The following PCGF3 variants were observed in gnomAD, a reference collection of about 807,000 sequenced individuals.
The protein encoded by PCGF3 is polycomb group ring finger 3.
In PCGF3, 7 loss-of-function variants were observed where a neutral mutation model predicts 33.1. That is an observed-to-expected ratio of 0.21 (90% CI 0.12 to 0.40). The LOEUF (loss-of-function observed/expected upper bound fraction) is 0.40. Among genes scored for constraint, PCGF3 ranks in the 10% least tolerant of loss-of-function variants. PCGF3 has a pLI of 1.00. For synonymous variants in PCGF3, 153 were observed against 121.3 expected (o/e 1.26, Z -1.72); for missense variants, 211 against 313.3 (o/e 0.67, Z 2.46).
At chr4:733,725 C>G in exon 4 of PCGF3, 2 of 1,611,778 alleles carry the variant, frequency 1.2e-6, no homozygotes. Context: ...ACGCCCACAT[C>G]ACCTGCCGCC....
At position 737,446 on chromosome 4, in the gene PCGF3, C is replaced by T. The variant is rs565611455; in HGVS notation, c.207-20C>T. On this transcript the variant is annotated intron_variant, in intron 5 of 10. Transcript: ENST00000362003. ...GAATTAACATTTCCAGCTAACTCCACCTTTCTGTTCTTTTGCCAGTCATGA... is the reference window on the plus strand; with the variant it reads ...GAATTAACATTTCCAGCTAACTCCATCTTTCTGTTCTTTTGCCAGTCATGA... 20 of 1,568,768 alleles carry T rather than the reference C, an allele frequency of 1.3e-5. No homozygotes were observed. The highest frequency in any genetic ancestry group is 1.5e-5 in the Non-Finnish European group (17 of 1,139,604).
chr4:748,140 C>G (rs1278002602), intron 8 of PCGF3, among the ~76,000 whole-genome samples: 3 of 152,146 alleles, frequency 2.0e-5, no homozygotes, highest in African/African-American at 7.2e-5. Flanking sequence ...GACAGAAAAA[C>G]TACACGGTCA....
chr4:763,756 G>T (rs1470065163), intron 9 of PCGF3, among the ~76,000 whole-genome samples: 1 of 152,222 alleles, frequency 6.6e-6, no homozygotes, highest in Non-Finnish European at 1.5e-5. Flanking sequence ...CCTGCACCCG[G>T]ATGTTGATAG....
At chr4:740,878 C>T (rs372406206) in intron 6 of PCGF3, among the ~76,000 whole-genome samples, 4 of 152,254 alleles carry the variant, frequency 2.6e-5, no homozygotes, top group African/African-American at 4.8e-5. Flanking sequence ...GCCTGCCTGC[C>T]GGTGGCTTTG....
intron 6 of PCGF3, among the ~76,000 whole-genome samples, chr4:740,073 T>C (rs914236571): frequency 6.6e-6 from 1 of 152,286 alleles, no homozygotes; most frequent in African/African-American, 2.4e-5. Context: ...ACTTGCAATT[T>C]GTTTAGTTTT....
chr4:723,753 A>C (rs1420309467), intron 1 of PCGF3: 1 of 152,488 alleles, frequency 6.6e-6, no homozygotes, highest in African/African-American at 2.4e-5. Flanking sequence ...GAAGGACAGC[A>C]CAGGGGCCTC....
chr4:763,470 C>T (rs1237705636), intron 9 of PCGF3, among the ~76,000 whole-genome samples: 1 of 152,204 alleles, frequency 6.6e-6, no homozygotes, highest in Non-Finnish European at 1.5e-5. Context: ...ATGCCTTCCC[C>T]AGGGAGGAAT....
rs1000535562 is a variant in PCGF3 at position 758,500 on chromosome 4, G to A, written c.463-2779G>A. Among the ~76,000 whole-genome samples the A allele has an allele frequency of 2.4e-4, 15 of 62,446 alleles. 1 individual carries two copies. In the South Asian group the frequency reaches 6.7e-3, roughly 28 times the overall value. 41.0% of individuals were successfully genotyped at this position (62,446 alleles called of 152,430 possible). A position where few individuals can be genotyped will look rare whatever the true frequency, so the allele number is the denominator to read the frequency against. On this transcript the variant is annotated intron_variant, in intron 8 of 10. Transcript: ENST00000362003. ...GCGGCCCCTCTCCCGAGCTCTTCTC[G>A]CTCCGGACTCTGGGTCTTTCTCCCC...
intron 8 of PCGF3, among the ~76,000 whole-genome samples, chr4:748,434 C>A (rs1171852184): frequency 6.6e-6 from 1 of 152,168 alleles, no homozygotes; most frequent in Admixed American, 6.5e-5. Context: ...TTCTGGCCCG[C>A]CTCAGCCTCC....
At chr4:757,891 C>T (rs1218891658) in intron 8 of PCGF3, among the ~76,000 whole-genome samples, 1 of 151,958 alleles carries the variant, frequency 6.6e-6, no homozygotes, top group Non-Finnish European at 1.5e-5. Context: ...AAAGTTGGCC[C>T]GGCGCGGTGG....
At chr4:755,459 C>G (rs1744728013) in intron 8 of PCGF3, among the ~76,000 whole-genome samples, 1 of 152,196 alleles carries the variant, frequency 6.6e-6, no homozygotes, top group Non-Finnish European at 1.5e-5. Context: ...TCCTCCCTCG[C>G]CGCCCCACGC....
intron 1 of PCGF3, among the ~76,000 whole-genome samples, chr4:727,661 C>A (rs911221548): frequency 6.6e-6 from 1 of 151,982 alleles, no homozygotes; most frequent in African/African-American, 2.4e-5. Context: ...TATCTTTTTC[C>A]CATAGGCATT....
intron 1 of PCGF3, among the ~76,000 whole-genome samples, chr4:716,798 A>C (rs567751196): frequency 8.2e-5 from 9 of 110,278 alleles, no homozygotes. Flanking sequence ...CGGTGCTGGG[A>C]CCCTGTAGAT....
chr4:734,443 C>A (rs773459594), intron 4 of PCGF3: 29 of 1,277,488 alleles, frequency 2.3e-5, no homozygotes, highest in Admixed American at 3.8e-5. Flanking sequence ...GTGTATTTCT[C>A]ACTTTAGGAA....
chr4:721,804 G>A lies in PCGF3; in HGVS notation c.-189-8826G>A, dbSNP rs1404078874. ...TGGCTCTGTGTATGGGCATGGGGAGGGGCCTGTGGGAGGTGGGTGGATGGG... is the reference window on the plus strand; with the variant it reads ...TGGCTCTGTGTATGGGCATGGGGAGAGGCCTGTGGGAGGTGGGTGGATGGG... On this transcript the variant is annotated intron_variant, in intron 1 of 10. Coordinates refer to ENST00000362003, the Ensembl canonical transcript of PCGF3. The surrounding 1 kb of genome is among the most constrained non-coding windows in gnomAD (Gnocchi z 4.1). Among the ~76,000 whole-genome samples, 41 of 150,382 alleles carry A rather than the reference G, an allele frequency of 2.7e-4. No homozygotes were observed. Among genetic ancestry groups the A allele is most frequent in the African/African-American group, 9.1e-4 (37 of 40,776 alleles).
At chr4:749,577 C>T (rs2152601247) in intron 8 of PCGF3, among the ~76,000 whole-genome samples, 1 of 147,474 alleles carries the variant, frequency 6.8e-6, no homozygotes, top group Non-Finnish European at 1.5e-5. Context: ...ACCTCTGCCT[C>T]CTGGGTTCAA....
chr4:742,312 G>C (rs1744130907), intron 6 of PCGF3, among the ~76,000 whole-genome samples: 1 of 152,154 alleles, frequency 6.6e-6, no homozygotes, highest in African/African-American at 2.4e-5. Flanking sequence ...CGCGGGCATT[G>C]GTCCCTGCAC....
At chr4:758,580 C>G (rs1313615159) in intron 8 of PCGF3, among the ~76,000 whole-genome samples, 1 of 138,438 alleles carries the variant, frequency 7.2e-6, no homozygotes, top group Admixed American at 7.1e-5. Context: ...CCCCGCACGG[C>G]CCCTCCCCCG....
intron 9 of PCGF3, among the ~76,000 whole-genome samples, chr4:764,090 T>C (rs1193838070): frequency 6.6e-6 from 1 of 152,008 alleles, no homozygotes; most frequent in African/African-American, 2.4e-5. Context: ...GCGATGCTGC[T>C]GTTTGTCCAC....
Sources: allele counts gnomAD v4.1 joint callset (sites outside exome capture counted in the v4.1 genomes callset), GRCh38; gene constraint gnomAD v4.1.1; non-coding constraint Gnocchi (gnomAD v3.1); transcripts MANE v1.5; gene names NCBI Gene and HGNC (gene_info 2026-07-23, HGNC 2026-07-21).